Variants in ABCC5 observed in about 807,000 individuals in gnomAD.
ABCC5 encodes the protein ATP binding cassette subfamily C member 5, also known as ATP-binding cassette sub-family C member 5.
Under a neutral mutation model 160.9 loss-of-function variants are expected in ABCC5, and 61 were observed. That is an observed-to-expected ratio of 0.38 (90% confidence interval 0.31 to 0.47). The LOEUF (loss-of-function observed/expected upper bound fraction) is 0.47, where lower values mean the gene tolerates loss of function less well. Among genes scored for constraint, ABCC5 ranks in the 20% least tolerant of loss-of-function variants. The pLI is 0.99. For synonymous variants in ABCC5, 666 were observed against 700.6 expected (o/e 0.95, Z 0.78); for missense variants, 1,308 against 1,813.3 (o/e 0.72, Z 5.06).
chr3:183,977,916 C>G (rs978437285), intron 9 of ABCC5, among the ~76,000 whole-genome samples: 2 of 152,128 alleles, frequency 1.3e-5, no homozygotes, highest in Admixed American at 1.3e-4. Flanking sequence ...CTATGCCCAG[C>G]TAATTTTTGT....
intron 2 of ABCC5, among the ~76,000 whole-genome samples, chr3:184,012,127 G>A (rs1402866433): frequency 6.6e-6 from 1 of 151,886 alleles, no homozygotes; most frequent in East Asian, 1.9e-4. Context: ...TGTGATACTG[G>A]ACTATAGTTA....
At chr3:183,938,798 C>T (rs1275461214) in intron 25 of ABCC5, among the ~76,000 whole-genome samples, 1 of 152,152 alleles carries the variant, frequency 6.6e-6, no homozygotes, top group Non-Finnish European at 1.5e-5. Context: ...AAGACAAGGC[C>T]TCCTGTTGCC....
intron 2 of ABCC5, among the ~76,000 whole-genome samples, chr3:183,990,112 T>C (rs560707805): frequency 1.5e-4 from 23 of 150,408 alleles, no homozygotes; most frequent in South Asian, 8.4e-4. Flanking sequence ...CCTGTTTTTA[T>C]TTTATTTTAT....
intron 5 of ABCC5, chr3:183,984,108 A>G (rs1718984722): frequency 2.0e-6 from 2 of 985,418 alleles, no homozygotes; most frequent in Non-Finnish European, 2.4e-6. Flanking sequence ...AAAACAAAAC[A>G]AAACGAAAAG....
chr3:183,978,442 C>G, intron 9 of ABCC5, 61 bp downstream of exon 9: 1 of 1,573,878 alleles, frequency 6.4e-7, no homozygotes, highest in Non-Finnish European at 8.6e-7. Context: ...GATTTTCCTG[C>G]CTCAGCCTCC....
intron 17 of ABCC5, 145 bp downstream of exon 17, chr3:183,959,588 T>C: frequency 1.5e-6 from 1 of 645,970 alleles, no homozygotes; most frequent in Non-Finnish European, 2.6e-6. Flanking sequence ...CCCAGTATTA[T>C]ATAAGAACTT....
chr3:183,940,426 C>T (rs1418136419), intron 25 of ABCC5, among the ~76,000 whole-genome samples: 1 of 134,788 alleles, frequency 7.4e-6, no homozygotes, highest in East Asian at 2.3e-4. Flanking sequence ...CACCACTGCA[C>T]TCTAGCCTGG....
intron 29 of ABCC5, among the ~76,000 whole-genome samples, chr3:183,924,491 A>G (rs910758843): frequency 1.3e-5 from 2 of 152,228 alleles, no homozygotes; most frequent in African/African-American, 4.8e-5. Context: ...AGAAGTAGCT[A>G]TTATAGTAGC....
In ABCC5 at chr3:183,988,505, T is replaced by C; in HGVS notation, c.443+67A>G. 6.5e-7 allele frequency: 1 copy of C among 1,541,220 alleles called. No homozygotes were observed. Among genetic ancestry groups the C allele is most frequent in the African/African-American group, 1.4e-5 (1 of 72,420 alleles). ...CTTTAAAGACACAGAGCTGTGGACT[T>C]CACACTCCTAGCTCAGGCCCTGCCC... On this transcript the variant is annotated intron_variant, in intron 4 of 29. Coordinates refer to ENST00000334444, the MANE Select transcript of ABCC5 (RefSeq NM_005688.4). The surrounding 1 kb of genome is among the most constrained non-coding windows in gnomAD (Gnocchi z 4.4).
intron 2 of ABCC5, among the ~76,000 whole-genome samples, chr3:184,013,996 G>C (rs942766282): frequency 6.6e-6 from 1 of 151,858 alleles, no homozygotes; most frequent in Non-Finnish European, 1.5e-5. Context: ...CCTCAGCCTC[G>C]CAAGTATCTG....
intron 10 of ABCC5, 27 bp downstream of exon 10, chr3:183,977,490 A>G (rs1222705481): frequency 6.5e-7 from 1 of 1,534,802 alleles, no homozygotes; most frequent in Non-Finnish European, 9.0e-7. Flanking sequence ...GGCTCCTGAC[A>G]CGGGGGCAGG....
At chr3:183,933,574 G>A in intron 26 of ABCC5, among the ~76,000 whole-genome samples, 1 of 152,158 alleles carries the variant, frequency 6.6e-6, no homozygotes. Flanking sequence ...CAATCATGAG[G>A]GCAAAACAAT....
At chr3:183,981,040 T>C (rs1009046414) in intron 8 of ABCC5, among the ~76,000 whole-genome samples, 79 of 152,180 alleles carry the variant, frequency 5.2e-4, no homozygotes, top group Admixed American at 1.2e-3. Flanking sequence ...ACTCCAACTA[T>C]AATGCATTGA....
chr3:183,922,272 T>C (rs1198997985), intron 29 of ABCC5, among the ~76,000 whole-genome samples: 1 of 152,112 alleles, frequency 6.6e-6, no homozygotes, highest in Non-Finnish European at 1.5e-5. Context: ...CTGGGGAGTC[T>C]GAGGCAGGAG....
chr3:183,943,658 C>G lies in ABCC5; in HGVS notation c.3505-742G>C, dbSNP rs536516592. Among the ~76,000 whole-genome samples the G allele has an allele frequency of 2.3e-4, 35 of 152,214 alleles. No individual in the cohort carries two copies. In the East Asian group the frequency reaches 6.2e-3, roughly 27 times the overall value. On this transcript the variant is annotated intron_variant, in intron 24 of 29. Transcript: ENST00000334444. ...GGGAAGTAAGGGCCAAAGACTGTAG[C>G]ACTCTGGGGGGTTAAGCCTAAAGTC...
chr3:183,972,063 C>T (rs1717802822), intron 10 of ABCC5, 144 bp from the exon 11 acceptor site: 12 of 1,525,582 alleles, frequency 7.9e-6, no homozygotes, highest in Non-Finnish European at 1.1e-5. Flanking sequence ...CTCATTAGTG[C>T]AGCCCAATCT....
Position 184,005,533 on chromosome 3 carries a change from T to C in ABCC5, c.129+8731A>G, listed in dbSNP as rs190823473. Among the ~76,000 whole-genome samples the C allele has an allele frequency of 3.4e-4, 52 of 151,858 alleles. No individual in the cohort carries two copies. The East Asian group carries it at 9.7e-3, about 28-fold the overall frequency. ...AGTCTGTGAGTTTAATAATGACAGGTTTAACCATTGCAAAGCCTTCTGGAG... is the reference window on the plus strand; with the variant it reads ...AGTCTGTGAGTTTAATAATGACAGGCTTAACCATTGCAAAGCCTTCTGGAG... On this transcript the variant is annotated intron_variant, in intron 2 of 29. Transcript: ENST00000334444.
chr3:183,921,131 C>A lies in ABCC5; in HGVS notation c.*169G>T. The A allele has an allele frequency of 2.1e-6, 1 of 484,224 alleles. No individual in the cohort carries two copies. Among genetic ancestry groups the A allele is most frequent in the Non-Finnish European group, 3.8e-6 (1 of 266,530 alleles). The allele number at this position is 484,224 out of a possible 1,614,324, so 30.0% of individuals were successfully genotyped here. On this transcript the variant is annotated 3_prime_UTR_variant, in exon 30 of 30. Coordinates refer to ENST00000334444, the MANE Select transcript of ABCC5 (RefSeq NM_005688.4). The surrounding 1 kb of genome is among the most constrained non-coding windows in gnomAD (Gnocchi z 4.1). ...ATGAATATGGAATAAATACAATAAT[C>A]AAAATATGACTCTCCCTAAAAGTGA...
At chr3:183,946,048 A>C (rs1714810738) in intron 23 of ABCC5, 109 bp from the exon 24 acceptor site, 2 of 943,218 alleles carry the variant, frequency 2.1e-6, no homozygotes, top group Non-Finnish European at 3.4e-6. Flanking sequence ...GAGCACATGC[A>C]GCAGCTGGTC....
Sources: gnomAD v4.1 joint callset for allele counts (sites outside exome capture counted in the v4.1 genomes callset) on GRCh38, gnomAD v4.1.1 for gene constraint, Gnocchi (gnomAD v3.1) non-coding constraint, MANE v1.5 for transcripts, NCBI Gene and HGNC (gene_info 2026-07-23, HGNC 2026-07-21) for gene names.